The following FOCAD variants were observed in gnomAD, a reference collection of about 807,000 sequenced individuals.
FOCAD encodes the protein focadhesin.
FOCAD carries 198 observed loss-of-function variants against 225.6 expected under a neutral mutation model. That is an observed-to-expected ratio of 0.88 (90% confidence interval 0.78 to 0.99). The LOEUF (loss-of-function observed/expected upper bound fraction) is 0.99, where lower values mean the gene tolerates loss of function less well. Among genes scored for constraint, FOCAD ranks in the 50% least tolerant of loss-of-function variants. The pLI is 0.00. For synonymous variants in FOCAD, 897 were observed against 755.0 expected, an observed-to-expected ratio of 1.19 and a Z score of -3.08; for missense variants, 2,713 against 2,123.6, an observed-to-expected ratio of 1.28 and a Z score of -5.46.
chr9:20,903,547 G>A (rs1832719264), intron 21 of FOCAD, among the ~76,000 whole-genome samples: 1 of 151,818 alleles, frequency 6.6e-6, no homozygotes, highest in Non-Finnish European at 1.5e-5. Context: ...AAGAATAAAA[G>A]CAAGTCCTGA....
intron 6 of FOCAD, among the ~76,000 whole-genome samples, chr9:20,764,462 C>T (rs529206888): frequency 2.0e-5 from 3 of 152,302 alleles, no homozygotes; most frequent in East Asian, 3.9e-4. Flanking sequence ...CCATGTTGGC[C>T]AGGATGGTCT....
chr9:20,827,034 T>C (rs1326689380), intron 15 of FOCAD, among the ~76,000 whole-genome samples: 3 of 152,148 alleles, frequency 2.0e-5, no homozygotes, highest in Non-Finnish European at 4.4e-5. Context: ...TAAAAAGCAA[T>C]TTTATTGAGA....
chr9:20,856,587 G>C (rs985271335), intron 15 of FOCAD, among the ~76,000 whole-genome samples: 4 of 151,824 alleles, frequency 2.6e-5, no homozygotes, highest in African/African-American at 7.2e-5. Context: ...GAGCTTTTTA[G>C]TTTGATGTGT....
intron 34 of FOCAD, among the ~76,000 whole-genome samples, chr9:20,951,979 A>G (rs1319519127): frequency 6.6e-6 from 1 of 152,194 alleles, no homozygotes; most frequent in African/African-American, 2.4e-5. Flanking sequence ...TCTTTCAGTC[A>G]TTCTGTAGCT....
chr9:20,829,408 T>A (rs1825262284), intron 15 of FOCAD, among the ~76,000 whole-genome samples: 1 of 138,678 alleles, frequency 7.2e-6, no homozygotes, highest in Admixed American at 7.7e-5. Flanking sequence ...CCAACACTTT[T>A]TATTATCTGT....
intron 5 of FOCAD, among the ~76,000 whole-genome samples, chr9:20,744,992 C>T (rs1827929276): frequency 6.6e-6 from 1 of 152,118 alleles, no homozygotes; most frequent in South Asian, 2.1e-4. Context: ...TTTTAAACCA[C>T]TATGTAGTAT....
At chr9:20,953,915 C>G (rs999053044) in intron 35 of FOCAD, among the ~76,000 whole-genome samples, 5 of 152,146 alleles carry the variant, frequency 3.3e-5, no homozygotes, top group African/African-American at 9.7e-5. Flanking sequence ...TGGAAAAAAT[C>G]TGGAAGTGGC....
intron 1 of FOCAD, among the ~76,000 whole-genome samples, chr9:20,687,292 C>G (rs1822726057): frequency 6.6e-6 from 1 of 152,212 alleles, no homozygotes. Context: ...GAAGCATCCA[C>G]TGAAGCTCCT....
intron 15 of FOCAD, among the ~76,000 whole-genome samples, chr9:20,851,085 G>A (rs1827600174): frequency 6.6e-6 from 1 of 151,404 alleles, no homozygotes; most frequent in South Asian, 2.1e-4. Context: ...ATAACCTTAA[G>A]TTGGTTTAAG....
At chr9:20,697,748 C>A (rs1050370954) in intron 1 of FOCAD, among the ~76,000 whole-genome samples, 2 of 152,192 alleles carry the variant, frequency 1.3e-5, no homozygotes, top group East Asian at 3.8e-4. Context: ...ACTACTTATA[C>A]TGTAGTTCAA....
At chr9:20,690,390 A>T (rs1424657700) in intron 1 of FOCAD, among the ~76,000 whole-genome samples, 1 of 152,136 alleles carries the variant, frequency 6.6e-6, no homozygotes, top group African/African-American at 2.4e-5. Context: ...GCCACTGTAC[A>T]ATTTATTTGT....
rs554101616 is a variant in FOCAD, at chr9:20,693,653, A to AC, written c.-33+9362dup. 1.7e-4 allele frequency among the ~76,000 whole-genome samples: 26 copies of AC among 152,268 alleles called. No individual in the cohort carries two copies. In the South Asian group the frequency reaches 5.4e-3, roughly 32 times the overall value. On this transcript the variant is annotated intron_variant, in intron 1 of 43. Transcript: ENST00000338382. ...TCCATTCTTTATGGAAAAGCTCTGG[A>AC]CCATTATCTGAGGAAATTCCTGGTC...
At chr9:20,804,009 T>A (rs1402089094) in intron 11 of FOCAD, among the ~76,000 whole-genome samples, 1 of 152,130 alleles carries the variant, frequency 6.6e-6, no homozygotes, top group East Asian at 1.9e-4. Flanking sequence ...CATGTGGAGA[T>A]AATCTCAAGT....
At chr9:20,665,133 G>C (rs890175225) in intron 2 of FOCAD, among the ~76,000 whole-genome samples, 1 of 152,130 alleles carries the variant, frequency 6.6e-6, no homozygotes, top group South Asian at 2.1e-4. Flanking sequence ...GCTTAATAGA[G>C]CTAGAGTTAC....
intron 12 of FOCAD, 134 bp downstream of exon 12, chr9:20,820,034 A>C (rs1824148224): frequency 3.7e-6 from 2 of 536,554 alleles, no homozygotes; most frequent in Admixed American, 3.8e-5. Context: ...CTAGGAGGTA[A>C]TATCTAAAGA....
chr9:20,901,041 C>A (rs527344534), intron 21 of FOCAD, among the ~76,000 whole-genome samples: 2 of 151,992 alleles, frequency 1.3e-5, no homozygotes, highest in South Asian at 4.1e-4. Flanking sequence ...GAGGACAGGT[C>A]TAACAAAAAA....
At chr9:20,802,719 C>G (rs116515296) in intron 11 of FOCAD, among the ~76,000 whole-genome samples, 2,291 of 152,200 alleles carry the variant, frequency 0.015, 66 homozygotes, top group African/African-American at 0.049. Flanking sequence ...AGTAAAATTT[C>G]ATTAAATGAA....
intron 42 of FOCAD, among the ~76,000 whole-genome samples, chr9:20,991,523 C>A (rs1841667282): frequency 6.6e-6 from 1 of 152,048 alleles, no homozygotes; most frequent in African/African-American, 2.4e-5. Context: ...CATTTAAAAT[C>A]AAATTTTGGC....
At chr9:20,657,160 T>C (rs1821514356), upstream of FOCAD, among the ~76,000 whole-genome samples, 1 of 152,126 alleles carries the variant, frequency 6.6e-6, no homozygotes, top group Admixed American at 6.6e-5. Context: ...GTTAGTCTGA[T>C]GGGCCTCCCT....
Sources: allele counts gnomAD v4.1 joint callset (sites outside exome capture counted in the v4.1 genomes callset), GRCh38; gene constraint gnomAD v4.1.1; transcripts MANE v1.5; gene names NCBI Gene and HGNC (gene_info 2026-07-23, HGNC 2026-07-21).